Variants in STK39 observed in about 807,000 individuals in gnomAD.
The protein encoded by STK39 is serine/threonine kinase 39, also known as STE20/SPS1-related proline-alanine-rich protein kinase.
Under a neutral mutation model 77.8 loss-of-function variants are expected in STK39, and 20 were observed. That is an observed-to-expected ratio of 0.26 (90% CI 0.18 to 0.37). The LOEUF is 0.37. Ranked by LOEUF, STK39 falls within the 10% of genes least tolerant of loss-of-function variation. STK39 has a pLI of 1.00. For missense variants in STK39, 479 were observed against 656.5 expected, an observed-to-expected ratio of 0.73 and a Z score of 2.95; for synonymous variants, 246 against 234.1, an observed-to-expected ratio of 1.05 and a Z score of -0.47.
intron 14 of STK39, among the ~76,000 whole-genome samples, chr2:168,059,900 A>G (rs1685617993): frequency 6.6e-6 from 1 of 152,176 alleles, no homozygotes; most frequent in Admixed American, 6.5e-5. Context: ...TGGCTCTAGA[A>G]TGTAAGCTCC....
chr2:167,977,573 G>GA (rs749526454), intron 16 of STK39, among the ~76,000 whole-genome samples: 4,058 of 124,074 alleles, frequency 0.033, 122 homozygotes, highest in African/African-American at 0.086. Flanking sequence ...ACTTGCTTCG[G>GA]AAAAAAAAAA....
chr2:168,044,520 A>G (rs1376089352), intron 14 of STK39, among the ~76,000 whole-genome samples: 1 of 152,224 alleles, frequency 6.6e-6, no homozygotes, highest in Non-Finnish European at 1.5e-5. Context: ...AAGACTGTTT[A>G]TAAGAAAGAT....
At chr2:168,111,302 A>G (rs1687114644) in intron 10 of STK39, among the ~76,000 whole-genome samples, 1 of 152,168 alleles carries the variant, frequency 6.6e-6, no homozygotes, top group Non-Finnish European at 1.5e-5. Flanking sequence ...TTCTAATTCA[A>G]GTTAGATGTT....
chr2:168,119,775 G>A (rs1174605958), intron 10 of STK39, among the ~76,000 whole-genome samples: 1 of 152,138 alleles, frequency 6.6e-6, no homozygotes, highest in Admixed American at 6.6e-5. Context: ...TCTCTTCTCT[G>A]CTTTAATGAT....
At chr2:168,230,972 C>T (rs1690439785) in intron 1 of STK39, among the ~76,000 whole-genome samples, 2 of 152,140 alleles carry the variant, frequency 1.3e-5, no homozygotes, top group African/African-American at 4.8e-5. Flanking sequence ...ACTACAGAAT[C>T]CCACCCACCA....
chr2:168,054,663 G>A (rs1250651493), intron 14 of STK39, among the ~76,000 whole-genome samples: 2 of 120,536 alleles, frequency 1.7e-5, no homozygotes, highest in African/African-American at 3.3e-5. Context: ...AACAAATGTC[G>A]TCTTTTCAGA....
intron 16 of STK39, among the ~76,000 whole-genome samples, chr2:167,983,892 G>T (rs74474528): frequency 0.031 from 4,792 of 152,220 alleles, 242 homozygotes; most frequent in East Asian, 0.21. Flanking sequence ...ACTCTCCAAG[G>T]GAGGTAGGCA....
intron 13 of STK39, among the ~76,000 whole-genome samples, chr2:168,064,152 C>T (rs778888015): frequency 5.3e-5 from 8 of 152,122 alleles, no homozygotes; most frequent in Non-Finnish European, 1.2e-4. Flanking sequence ...CTGCCACTGA[C>T]CTGAAATGCA....
At chr2:168,003,360 T>C (rs1465190307) in intron 16 of STK39, among the ~76,000 whole-genome samples, 1 of 152,254 alleles carries the variant, frequency 6.6e-6, no homozygotes, top group Non-Finnish European at 1.5e-5. Flanking sequence ...CGGATGATAC[T>C]TTTATATTAG....
At chr2:167,975,763 C>T (rs1275841606) in intron 16 of STK39, among the ~76,000 whole-genome samples, 1 of 152,194 alleles carries the variant, frequency 6.6e-6, no homozygotes, top group Non-Finnish European at 1.5e-5. Flanking sequence ...GCAGTGCCAT[C>T]TGCTGGCATT....
At chr2:168,081,490 C>T (rs1686229733) in intron 10 of STK39, among the ~76,000 whole-genome samples, 1 of 152,140 alleles carries the variant, frequency 6.6e-6, no homozygotes, top group African/African-American at 2.4e-5. Context: ...TAGGAAGTAA[C>T]TAACTTGCTT....
intron 1 of STK39, among the ~76,000 whole-genome samples, chr2:168,220,286 G>T (rs1022004506): frequency 7.9e-5 from 12 of 152,036 alleles, no homozygotes; most frequent in Admixed American, 1.3e-4. Flanking sequence ...CTGCTGAGAA[G>T]CAACACACAT....
At position 168,174,107 on chromosome 2, in the gene STK39, GAGAAACATTTTTAAGAAAT is replaced by G. The variant is rs1255093055; in HGVS notation, c.322-6719_322-6701del. 1.1e-3 allele frequency among the ~76,000 whole-genome samples: 168 copies of G among 152,322 alleles called. 1 individual carries two copies. The highest frequency in any genetic ancestry group is 2.6e-3 in the African/African-American group (107 of 41,578). On this transcript the variant is annotated intron_variant, in intron 2 of 17. Transcript: ENST00000355999. ...ATGGGAACTAGGTATTTTGAAGAAA[GAGAAACATTTTTAAGAAAT>G]AGAAACATTTTTAAGAAATCAGGAA...
chr2:168,074,856 C>T, intron 12 of STK39, 126 bp downstream of exon 12: 2 of 1,110,966 alleles, frequency 1.8e-6, no homozygotes, highest in Non-Finnish European at 2.5e-6. Flanking sequence ...GCTGCAAAGT[C>T]CTCGTGCCTT....
rs1392390470 is a variant in STK39 at position 168,146,868 on chromosome 2, TA to T, written c.629-6111del. On this transcript the variant is annotated intron_variant, in intron 5 of 17. Coordinates refer to ENST00000355999, the MANE Select transcript of STK39 (RefSeq NM_013233.3). Reference sequence around the variant, plus strand: ...AAATGGAGAGGATTAGACCAATTCTTAAGAAAATACGATGATTTAGTAGATA... The same window carrying T: ...AAATGGAGAGGATTAGACCAATTCTTAGAAAATACGATGATTTAGTAGATA... Among the ~76,000 whole-genome samples the T allele has an allele frequency of 6.6e-5, 10 of 152,278 alleles. No individual in the cohort carries two copies. In the East Asian group the frequency reaches 1.2e-3, roughly 18 times the overall value.
At chr2:167,965,182 G>C (rs1254707895) in intron 16 of STK39, among the ~76,000 whole-genome samples, 2 of 151,880 alleles carry the variant, frequency 1.3e-5, no homozygotes, top group East Asian at 3.9e-4. Context: ...CAGCACATTT[G>C]AACCCCTGTC....
chr2:168,212,686 AG>A (rs1385526741), intron 1 of STK39, among the ~76,000 whole-genome samples: 1 of 152,200 alleles, frequency 6.6e-6, no homozygotes, highest in East Asian at 1.9e-4. Context: ...CTTCAGGTAA[AG>A]GTCACATTTC....
chr2:168,047,920 A>C (rs889904467), intron 14 of STK39, among the ~76,000 whole-genome samples: 1 of 152,226 alleles, frequency 6.6e-6, no homozygotes, highest in African/African-American at 2.4e-5. Context: ...ACCAAAACTC[A>C]TATTTCCTTT....
intron 14 of STK39, among the ~76,000 whole-genome samples, chr2:168,061,700 A>T (rs139214783): frequency 2.6e-5 from 4 of 152,358 alleles, no homozygotes; most frequent in Non-Finnish European, 2.9e-5. Flanking sequence ...CAATATAGAA[A>T]CTGTATCATG....
Sources: gnomAD v4.1 joint callset for allele counts (sites outside exome capture counted in the v4.1 genomes callset) on GRCh38, gnomAD v4.1.1 for gene constraint, MANE v1.5 for transcripts, NCBI Gene and HGNC (gene_info 2026-07-23, HGNC 2026-07-21) for gene names.